Variants in NUBPL observed in about 807,000 individuals in gnomAD.
The protein encoded by NUBPL is NUBP iron-sulfur cluster assembly factor, mitochondrial.
NUBPL carries 31 observed loss-of-function variants against 45.7 expected under a neutral mutation model. That is an observed-to-expected ratio of 0.68 (90% CI 0.51 to 0.92). NUBPL has a LOEUF of 0.92. NUBPL is among the 40% of genes least tolerant of loss of function. NUBPL has a pLI of 0.00. For missense variants in NUBPL, 401 were observed against 398.7 expected (o/e 1.01, Z -0.05); for synonymous variants, 144 against 140.9 (o/e 1.02, Z -0.15).
At chr14:31,705,291 C>A (rs950510551) in intron 6 of NUBPL, among the ~76,000 whole-genome samples, 1 of 152,238 alleles carries the variant, frequency 6.6e-6, no homozygotes, top group Non-Finnish European at 1.5e-5. Flanking sequence ...GAGTGAGCAT[C>A]AGCAAGATTT....
intron 6 of NUBPL, among the ~76,000 whole-genome samples, chr14:31,777,925 A>T (rs1055166451): frequency 1.3e-5 from 2 of 152,196 alleles, no homozygotes; most frequent in Admixed American, 1.3e-4. Context: ...AGGCAGCTCT[A>T]TTAACAGTGC....
At chr14:31,734,397 T>G (rs1177831203) in intron 6 of NUBPL, among the ~76,000 whole-genome samples, 1 of 152,150 alleles carries the variant, frequency 6.6e-6, no homozygotes, top group Non-Finnish European at 1.5e-5. Flanking sequence ...GTATCTCCAA[T>G]CTAACATAGA....
intron 7 of NUBPL, among the ~76,000 whole-genome samples, chr14:31,814,996 C>T (rs948212589): frequency 2.0e-5 from 3 of 152,122 alleles, no homozygotes; most frequent in African/African-American, 7.2e-5. Context: ...GTTCTTTTCG[C>T]TTAGGATTGT....
intron 8 of NUBPL, among the ~76,000 whole-genome samples, chr14:31,837,333 A>G (rs1405274663): frequency 6.6e-6 from 1 of 152,140 alleles, no homozygotes; most frequent in East Asian, 1.9e-4. Flanking sequence ...CCTGTTTCAA[A>G]AAAAACAAAA....
In NUBPL at chr14:31,746,822, C is replaced by G. The variant is rs2038409085; in HGVS notation, c.514-40958C>G. ...TGGTGGCTAACACCTGTAATCCTAGCACTTTGGGAAGCCAAGGTGGGTGGA... is the reference window on the plus strand; with the variant it reads ...TGGTGGCTAACACCTGTAATCCTAGGACTTTGGGAAGCCAAGGTGGGTGGA... On this transcript the variant is annotated intron_variant, in intron 6 of 10. Coordinates refer to ENST00000281081, the MANE Select transcript of NUBPL (RefSeq NM_025152.3). Among the ~76,000 whole-genome samples, 2 of 151,834 alleles carry G rather than the reference C, an allele frequency of 1.3e-5. 1 individual carries two copies. Among genetic ancestry groups the G allele is most frequent in the African/African-American group, 4.9e-5 (2 of 41,172 alleles).
intron 7 of NUBPL, among the ~76,000 whole-genome samples, chr14:31,793,840 T>TTTTA (rs1555338717): frequency 1.5e-4 from 19 of 123,604 alleles, no homozygotes; most frequent in South Asian, 1.1e-3. Context: ...TTTTTTTTTT[T>TTTTA]ATTTTTTTTT....
At chr14:31,764,302 A>C (rs1320495616) in intron 6 of NUBPL, among the ~76,000 whole-genome samples, 1 of 152,174 alleles carries the variant, frequency 6.6e-6, no homozygotes, top group African/African-American at 2.4e-5. Context: ...ATAGAGAGCA[A>C]ACTGAGATGA....
At chr14:31,681,362 T>C (rs189366162) in intron 6 of NUBPL, among the ~76,000 whole-genome samples, 263 of 152,112 alleles carry the variant, frequency 1.7e-3, no homozygotes, top group African/African-American at 6.2e-3. Flanking sequence ...TCTTATGTTT[T>C]TAAATGGATA....
chr14:31,562,235 C>A lies in NUBPL; in HGVS notation c.256+20C>A. 1.2e-6 allele frequency: 2 copies of A among 1,603,228 alleles called. No individual in the cohort carries two copies. Among genetic ancestry groups the A allele is most frequent in the South Asian group, 1.1e-5 (1 of 89,484 alleles). On this transcript the variant is annotated intron_variant, in intron 2 of 10. Transcript: ENST00000281081. The stretch of plus-strand genomic sequence containing the variant: ...CAGCAGGTATTATAGGATATTAATT[C>A]TATTCCTGATTAAGAACTTATGCCA...
chr14:31,798,120 T>C (rs977836900), intron 7 of NUBPL, among the ~76,000 whole-genome samples: 1 of 152,102 alleles, frequency 6.6e-6, no homozygotes, highest in Admixed American at 6.5e-5. Context: ...AGTCTGATGT[T>C]GTGCCCCCTT....
intron 6 of NUBPL, among the ~76,000 whole-genome samples, chr14:31,768,879 C>T (rs570410282): frequency 3.0e-4 from 46 of 152,150 alleles, no homozygotes; most frequent in African/African-American, 1.0e-3. Flanking sequence ...AGGTTCACTC[C>T]GAGTCCTGCC....
At chr14:31,804,575 G>A (rs1362321726) in intron 7 of NUBPL, among the ~76,000 whole-genome samples, 2 of 152,146 alleles carry the variant, frequency 1.3e-5, no homozygotes, top group Middle Eastern at 3.4e-3. Context: ...GAATTCTGGT[G>A]CAAAAACAGG....
At position 31,681,514 on chromosome 14, in the gene NUBPL, G is replaced by A. The variant is rs72674875; in HGVS notation, c.513+7940G>A. On this transcript the variant is annotated intron_variant, in intron 6 of 10. Transcript: ENST00000281081. ...AAAAACCGACTTTTCACCCTTAGACGTTTTTCTGTCATATGTTTGTTTCTT... is the reference window on the plus strand; with the variant it reads ...AAAAACCGACTTTTCACCCTTAGACATTTTTCTGTCATATGTTTGTTTCTT... 9.3e-3 allele frequency among the ~76,000 whole-genome samples: 1,375 copies of A among 148,558 alleles called. 10 individuals are homozygous for A. The highest frequency in any genetic ancestry group is 0.018 in the Middle Eastern group (5 of 282).
intron 7 of NUBPL, among the ~76,000 whole-genome samples, chr14:31,819,727 C>A (rs1052112256): frequency 1.2e-4 from 18 of 152,308 alleles, no homozygotes; most frequent in Admixed American, 1.0e-3. Flanking sequence ...GCCAGACAAT[C>A]AACCTTTTAT....
rs117091350 is a variant in NUBPL at position 31,672,563 on chromosome 14, A to G, written c.383-792A>G. Among the ~76,000 whole-genome samples, 123 of 152,130 alleles carry G rather than the reference A, an allele frequency of 8.1e-4. 4 individuals are homozygous for G. The East Asian group carries it at 0.023, about 29-fold the overall frequency. On this transcript the variant is annotated intron_variant, in intron 4 of 10. Coordinates refer to ENST00000281081, the MANE Select transcript of NUBPL (RefSeq NM_025152.3). ...CTGCAACGTCTGCCTCCCAGGTCCA[A>G]GCGATTCTTTCATGTTAGCCTCCTG...
At chr14:31,660,468 T>C (rs1436768911) in intron 4 of NUBPL, among the ~76,000 whole-genome samples, 1 of 152,188 alleles carries the variant, frequency 6.6e-6, no homozygotes, top group Non-Finnish European at 1.5e-5. Context: ...AATTGTAAAA[T>C]TTGTACTGGA....
intron 7 of NUBPL, chr14:31,800,759 G>A (rs2039571601): frequency 6.6e-6 from 1 of 152,140 alleles, no homozygotes; most frequent in Non-Finnish European, 1.5e-5. Context: ...GTCTCAATTT[G>A]ACTTCAACTC....
intron 6 of NUBPL, among the ~76,000 whole-genome samples, chr14:31,733,916 C>A (rs1255633944): frequency 6.6e-6 from 1 of 152,166 alleles, no homozygotes; most frequent in African/African-American, 2.4e-5. Context: ...ATTTCATCGA[C>A]ATCATCCATC....
intron 3 of NUBPL, among the ~76,000 whole-genome samples, chr14:31,568,133 G>A (rs1316122378): frequency 6.6e-6 from 1 of 152,162 alleles, no homozygotes; most frequent in Non-Finnish European, 1.5e-5. Flanking sequence ...TTTAATGACA[G>A]CACTTAGTTA....
Sources: gnomAD v4.1 joint callset for allele counts (sites outside exome capture counted in the v4.1 genomes callset) on GRCh38, gnomAD v4.1.1 for gene constraint, MANE v1.5 for transcripts, NCBI Gene and HGNC (gene_info 2026-07-23, HGNC 2026-07-21) for gene names.